Variants in CSMD1 observed in about 807,000 individuals in gnomAD.
CSMD1 encodes CUB and sushi domain-containing protein 1.
Under a neutral mutation model 417.5 loss-of-function variants are expected in CSMD1, and 213 were observed. The observed-to-expected ratio is 0.51, with a 90% confidence interval of 0.46 to 0.57. CSMD1 has a LOEUF of 0.57. Ranked by LOEUF, CSMD1 falls within the 20% of genes least tolerant of loss-of-function variation. The pLI, the probability that CSMD1 is intolerant of heterozygous loss-of-function variation, is 0.00. For synonymous variants in CSMD1, 2,862 were observed against 1,736.8 expected (o/e 1.65, Z -16.11); for missense variants, 6,923 against 4,529.7 (o/e 1.53, Z -15.17).
At chr8:3,787,164 C>T (rs368154475) in intron 5 of CSMD1, among the ~76,000 whole-genome samples, 1 of 152,050 alleles carries the variant, frequency 6.6e-6, no homozygotes. Context: ...AATCAGGTAG[C>T]TTTCACTTTC....
chr8:4,287,326 G>A (rs190297924), intron 3 of CSMD1, among the ~76,000 whole-genome samples: 3 of 152,262 alleles, frequency 2.0e-5, no homozygotes, highest in East Asian at 1.9e-4. Flanking sequence ...CACATCTGGA[G>A]AAGTTACTTT....
intron 3 of CSMD1, among the ~76,000 whole-genome samples, chr8:4,245,013 C>T (rs73498568): frequency 3.9e-5 from 6 of 152,164 alleles, no homozygotes; most frequent in African/African-American, 1.4e-4. Flanking sequence ...AAAAGAATCA[C>T]ATACACATTT....
At chr8:4,015,244 C>T (rs80345438) in intron 4 of CSMD1, among the ~76,000 whole-genome samples, 2,571 of 152,258 alleles carry the variant, frequency 0.017, 87 homozygotes, top group African/African-American at 0.059. Context: ...AATGTTACCG[C>T]TGAAACATAA....
At chr8:3,492,905 A>G (rs994898812) in intron 11 of CSMD1, among the ~76,000 whole-genome samples, 17 of 152,016 alleles carry the variant, frequency 1.1e-4, no homozygotes, top group Non-Finnish European at 1.5e-4. Flanking sequence ...CATTATTCCA[A>G]AAAAGACCTG....
At chr8:4,179,613 A>C (rs1798243950) in intron 3 of CSMD1, among the ~76,000 whole-genome samples, 1 of 150,778 alleles carries the variant, frequency 6.6e-6, no homozygotes, top group African/African-American at 2.5e-5. Context: ...CTGCACAGCA[A>C]AACAAACTAC....
intron 25 of CSMD1, among the ~76,000 whole-genome samples, chr8:3,285,502 T>A (rs1011115857): frequency 1.3e-5 from 2 of 151,976 alleles, no homozygotes; most frequent in African/African-American, 4.8e-5. Flanking sequence ...TTCTCCTGCC[T>A]CAGCCTCCCA....
chr8:3,008,962 C>G (rs1310617704), intron 52 of CSMD1, among the ~76,000 whole-genome samples: 3 of 152,172 alleles, frequency 2.0e-5, no homozygotes, highest in African/African-American at 7.2e-5. Flanking sequence ...GTACCTAGAC[C>G]TGTGTGATTT....
intron 7 of CSMD1, among the ~76,000 whole-genome samples, chr8:3,692,456 T>A (rs1400140797): frequency 6.6e-6 from 1 of 151,910 alleles, no homozygotes; most frequent in Non-Finnish European, 1.5e-5. Flanking sequence ...TTTTTTTTTT[T>A]TTTGAGACGG....
intron 23 of CSMD1, among the ~76,000 whole-genome samples, chr8:3,319,071 G>T (rs1444861251): frequency 6.6e-6 from 1 of 152,076 alleles, no homozygotes; most frequent in African/African-American, 2.4e-5. Flanking sequence ...AGAACATACT[G>T]CAAAACAAAC....
intron 56 of CSMD1, among the ~76,000 whole-genome samples, chr8:2,973,664 GA>G (rs72080091): frequency 0.12 from 17,256 of 147,606 alleles, 1,092 homozygotes; most frequent in East Asian, 0.25. Context: ...GGAATGTGGG[GA>G]AAAAAAAAAA....
At chr8:4,038,824 G>C (rs1797745622) in intron 3 of CSMD1, among the ~76,000 whole-genome samples, 2 of 152,110 alleles carry the variant, frequency 1.3e-5, no homozygotes, top group Non-Finnish European at 2.9e-5. Context: ...GTTTCCACTG[G>C]ACCCCATGAA....
At chr8:3,094,031 G>T (rs1374391852) in intron 47 of CSMD1, among the ~76,000 whole-genome samples, 1 of 152,010 alleles carries the variant, frequency 6.6e-6, no homozygotes, top group East Asian at 1.9e-4. Context: ...CTGAATTTAT[G>T]ATATTTTGAA....
chr8:3,978,949 T>A (rs1339921196), intron 5 of CSMD1, among the ~76,000 whole-genome samples: 1 of 152,194 alleles, frequency 6.6e-6, no homozygotes, highest in South Asian at 2.1e-4. Flanking sequence ...AGCCACAGGT[T>A]CCACTGTTTT....
intron 5 of CSMD1, among the ~76,000 whole-genome samples, chr8:3,990,750 G>C (rs982649355): frequency 6.6e-6 from 1 of 152,136 alleles, no homozygotes; most frequent in Admixed American, 6.5e-5. Context: ...AGAGTTGCAG[G>C]GGCACCTGCT....
intron 2 of CSMD1, among the ~76,000 whole-genome samples, chr8:4,523,005 T>C (rs1346862785): frequency 6.6e-6 from 1 of 151,776 alleles, no homozygotes; most frequent in Non-Finnish European, 1.5e-5. Context: ...TACTAAGGAG[T>C]AGGGCTTGTG....
intron 3 of CSMD1, among the ~76,000 whole-genome samples, chr8:4,192,852 G>T (rs969691304): frequency 7.9e-5 from 12 of 152,164 alleles, no homozygotes; most frequent in African/African-American, 2.7e-4. Flanking sequence ...GATCACTCAT[G>T]TTCCTGTATT....
At chr8:3,194,096 C>T (rs1231412666) in intron 33 of CSMD1, among the ~76,000 whole-genome samples, 1 of 152,180 alleles carries the variant, frequency 6.6e-6, no homozygotes, top group African/African-American at 2.4e-5. Flanking sequence ...CATTACTAGT[C>T]AATGAATTAA....
At chr8:4,361,801 A>G (rs775766076) in intron 3 of CSMD1, among the ~76,000 whole-genome samples, 7 of 152,044 alleles carry the variant, frequency 4.6e-5, no homozygotes, top group Non-Finnish European at 1.0e-4. Context: ...TAAAAATACA[A>G]AAAACTAGCC....
intron 2 of CSMD1, among the ~76,000 whole-genome samples, chr8:4,633,877 A>G (rs1479663301): frequency 6.6e-6 from 1 of 152,168 alleles, no homozygotes; most frequent in Non-Finnish European, 1.5e-5. Context: ...ATGTTAAAAA[A>G]TAAGCATTTT....
Sources: allele counts gnomAD v4.1 joint callset (sites outside exome capture counted in the v4.1 genomes callset), GRCh38; gene constraint gnomAD v4.1.1; transcripts MANE v1.5; gene names NCBI Gene and HGNC (gene_info 2026-07-23, HGNC 2026-07-21).